The following MAGI1 variants were observed in gnomAD, a reference collection of about 807,000 sequenced individuals.
MAGI1 encodes the protein membrane associated guanylate kinase, WW and PDZ domain containing 1.
In MAGI1, 58 loss-of-function variants were observed where a neutral mutation model predicts 139.9. The ratio of observed to expected loss-of-function variants is 0.41; its 90% CI spans 0.34 to 0.52. MAGI1 has a LOEUF of 0.52. Among genes scored for constraint, MAGI1 ranks in the 20% least tolerant of loss-of-function variants. MAGI1 has a pLI of 0.12. For missense variants in MAGI1, 1,874 were observed against 1,901.6 expected, an observed-to-expected ratio of 0.99 and a Z score of 0.27; for synonymous variants, 812 against 737.9, an observed-to-expected ratio of 1.10 and a Z score of -1.63.
At position 65,429,899 on chromosome 3, in the gene MAGI1, A is replaced by C. The variant is rs766693602; in HGVS notation, c.1788T>G (p.Ser596Arg). The stretch of plus-strand genomic sequence containing the variant: ...TGCCATTGACTTTGCCTGTTTTACT[A>C]CTGTGGCTAGCTGGTGAATCATAGG... ...QETYDSPASH[S>R]SKTGKVNGMK... The change falls in exon 12 of 23, where the codon AGT becomes AGG. Residue 596 changes from serine to arginine, a missense_variant. Transcript: ENST00000402939. The C allele has an allele frequency of 6.2e-7, 1 of 1,614,048 alleles. No homozygotes were observed. The highest frequency in any genetic ancestry group is 1.1e-5 in the South Asian group (1 of 91,088).
At chr3:65,764,062 A>T (rs990223658) in intron 1 of MAGI1, among the ~76,000 whole-genome samples, 4 of 137,976 alleles carry the variant, frequency 2.9e-5, no homozygotes, top group Non-Finnish European at 4.6e-5. Context: ...ACAGAACAAG[A>T]CCCTGTCTCA....
intron 2 of MAGI1, among the ~76,000 whole-genome samples, chr3:65,516,860 T>C (rs1336952503): frequency 6.8e-6 from 1 of 147,260 alleles, no homozygotes; most frequent in Non-Finnish European, 1.5e-5. Flanking sequence ...CCCGAGTAGC[T>C]GGGACTACAG....
At chr3:65,793,358 G>A (rs2039914001) in intron 1 of MAGI1, among the ~76,000 whole-genome samples, 1 of 152,198 alleles carries the variant, frequency 6.6e-6, no homozygotes, top group Admixed American at 6.5e-5. Context: ...TAGCTAGTGA[G>A]ATGAACTCTC....
chr3:65,430,600 C>A, intron 11 of MAGI1, 99 bp downstream of exon 11: 2 of 1,285,976 alleles, frequency 1.6e-6, no homozygotes, highest in Non-Finnish European at 1.1e-6. Context: ...CATGACGTTG[C>A]TTGGTCTTGC....
chr3:65,530,965 C>G (rs1364748304), intron 2 of MAGI1, among the ~76,000 whole-genome samples: 1 of 150,694 alleles, frequency 6.6e-6, no homozygotes, highest in East Asian at 2.0e-4. Flanking sequence ...CCATAAATTT[C>G]TATTTGCATC....
chr3:65,732,208 G>C (rs532196950), intron 1 of MAGI1, among the ~76,000 whole-genome samples: 5 of 152,356 alleles, frequency 3.3e-5, no homozygotes, highest in Admixed American at 6.5e-5. Flanking sequence ...TTCAATGTCT[G>C]TGTGCTAGGA....
chr3:65,489,972 C>G (rs772830379), intron 3 of MAGI1, among the ~76,000 whole-genome samples: 6 of 152,068 alleles, frequency 3.9e-5, no homozygotes, highest in Non-Finnish European at 7.4e-5. Flanking sequence ...CTCTCTGGAA[C>G]CAGCAGAGGT....
intron 2 of MAGI1, among the ~76,000 whole-genome samples, chr3:65,497,762 G>C (rs1208631656): frequency 6.6e-6 from 1 of 152,082 alleles, no homozygotes; most frequent in Non-Finnish European, 1.5e-5. Context: ...TTAATTTCCT[G>C]AGAGGATTCA....
intron 1 of MAGI1, among the ~76,000 whole-genome samples, chr3:65,697,227 A>C (rs535767230): frequency 6.6e-6 from 1 of 152,084 alleles, no homozygotes; most frequent in Non-Finnish European, 1.5e-5. Flanking sequence ...TTGTGGCAAT[A>C]ATCAATAGTT....
Position 65,379,341 on chromosome 3 carries a change from T to C in MAGI1, c.2915A>G (p.Glu972Gly). ...GCCCTCGTTCTCCCCGCGCCGGATCTCCACGTCGTAGGGCTGCACCACGGT... is the reference window on the plus strand; with the variant it reads ...GCCCTCGTTCTCCCCGCGCCGGATCCCCACGTCGTAGGGCTGCACCACGGT... ...VSTVVQPYDV[E>G]IRRGENEGFG... The change falls in exon 17 of 23, where the codon GAG becomes GGG. Residue 972 changes from glutamate to glycine, a missense_variant. This residue lies in a region of MAGI1 where 482 missense variants were observed against 509.6 expected (regional missense o/e 0.95). Transcript: ENST00000402939. 1.2e-6 allele frequency: 2 copies of C among 1,613,426 alleles called. No individual in the cohort carries two copies. The highest frequency in any genetic ancestry group is 1.7e-6 in the Non-Finnish European group (2 of 1,179,670).
intron 2 of MAGI1, among the ~76,000 whole-genome samples, chr3:65,499,754 T>C (rs2077012359): frequency 1.3e-5 from 2 of 152,204 alleles, no homozygotes; most frequent in South Asian, 4.1e-4. Flanking sequence ...AAACAGAATA[T>C]GGCTTGTTTT....
At chr3:65,417,904 A>G (rs554561394) in intron 12 of MAGI1, among the ~76,000 whole-genome samples, 2 of 152,290 alleles carry the variant, frequency 1.3e-5, no homozygotes, top group South Asian at 4.2e-4. Flanking sequence ...AATCCTTCCT[A>G]TATTTCAAAG....
At chr3:65,578,947 CAGAG>C (rs1442209747) in intron 2 of MAGI1, among the ~76,000 whole-genome samples, 2 of 128,256 alleles carry the variant, frequency 1.6e-5, no homozygotes, top group Non-Finnish European at 3.3e-5. Context: ...GAGAGAGAGA[CAGAG>C]AGAGAGAGAG....
At chr3:65,897,885 A>G (rs1323564090) in intron 1 of MAGI1, among the ~76,000 whole-genome samples, 1 of 118,582 alleles carries the variant, frequency 8.4e-6, no homozygotes, top group African/African-American at 3.1e-5. Flanking sequence ...AAAGAAAGAA[A>G]GGAAAAGGGG....
intron 1 of MAGI1, among the ~76,000 whole-genome samples, chr3:65,739,776 T>A: frequency 6.6e-6 from 1 of 152,106 alleles, no homozygotes; most frequent in Non-Finnish European, 1.5e-5. Context: ...ACTTATTAAG[T>A]TTGCCATCTT....
chr3:66,038,030 G>A lies in MAGI1; in HGVS notation c.279C>T (p.Cys93=). 1 of 1,604,346 alleles carries A rather than the reference G, an allele frequency of 6.2e-7. No individual in the cohort carries two copies. The highest frequency in any genetic ancestry group is 1.1e-5 in the South Asian group (1 of 89,826). ...CGGCCTTGAAGGTGACGGCCTCCTT[G>A]CAGCTGTCGATGACCCCCAGCACGT... ...RYDVLGVIDS[C]KEAVTFKAVR... Residue 93 remains cysteine, a synonymous_variant, in exon 1 of 23, where the codon TGC becomes TGT. Transcript: ENST00000402939.
At chr3:65,693,816 C>T (rs991429608) in intron 1 of MAGI1, among the ~76,000 whole-genome samples, 4 of 152,048 alleles carry the variant, frequency 2.6e-5, no homozygotes, top group East Asian at 3.9e-4. Flanking sequence ...TTCTACATCC[C>T]GGATTCAAAC....
intron 2 of MAGI1, among the ~76,000 whole-genome samples, chr3:65,534,053 A>C (rs1410035104): frequency 6.6e-6 from 1 of 152,224 alleles, no homozygotes; most frequent in African/African-American, 2.4e-5. Context: ...AGAACTACCC[A>C]GAACTACCTA....
chr3:65,422,729 G>A (rs1039569343), intron 12 of MAGI1, among the ~76,000 whole-genome samples: 10 of 152,096 alleles, frequency 6.6e-5, no homozygotes, highest in Non-Finnish European at 2.9e-5. Context: ...CTTGATTTAT[G>A]AGGAATGGTC....
Sources: allele counts gnomAD v4.1 joint callset (sites outside exome capture counted in the v4.1 genomes callset), GRCh38; gene constraint gnomAD v4.1.1; regional missense constraint gnomAD v4.1.1; transcripts MANE v1.5; gene names NCBI Gene and HGNC (gene_info 2026-07-23, HGNC 2026-07-21).